Variants in SYT9 observed in about 807,000 individuals in gnomAD.
SYT9 encodes the protein synaptotagmin-9.
In SYT9, 22 loss-of-function variants were observed where a neutral mutation model predicts 48.4. The observed-to-expected ratio is 0.45, with a 90% CI of 0.32 to 0.65. The LOEUF (loss-of-function observed/expected upper bound fraction) is 0.65. SYT9 is among the 30% of genes least tolerant of loss of function. SYT9 has a pLI of 0.03. For missense variants in SYT9, 577 were observed against 622.0 expected (o/e 0.93, Z 0.77); for synonymous variants, 265 against 245.0 (o/e 1.08, Z -0.76).
At chr11:7,406,488 A>G (rs1346482839) in intron 3 of SYT9, among the ~76,000 whole-genome samples, 1 of 150,624 alleles carries the variant, frequency 6.6e-6, no homozygotes, top group African/African-American at 2.4e-5. Flanking sequence ...GTTGCTGCAA[A>G]TGACATGATT....
intron 6 of SYT9, chr11:7,454,144 C>G: frequency 1.0e-6 from 1 of 985,436 alleles, no homozygotes; most frequent in Non-Finnish European, 1.2e-6. Context: ...TACCTGATTT[C>G]CAGCCCTTGA....
intron 6 of SYT9, among the ~76,000 whole-genome samples, chr11:7,442,752 C>T (rs1847850584): frequency 6.6e-6 from 1 of 152,120 alleles, no homozygotes; most frequent in Non-Finnish European, 1.5e-5. Context: ...TTCCTAGGGC[C>T]TCTGCCATCA....
intron 3 of SYT9, among the ~76,000 whole-genome samples, chr11:7,364,336 G>A (rs1333853106): frequency 6.6e-6 from 1 of 152,188 alleles, no homozygotes; most frequent in Non-Finnish European, 1.5e-5. Context: ...ATTTTCTGAT[G>A]ATGAATAAAG....
In SYT9 at chr11:7,329,178, AT is replaced by A; in HGVS notation, c.1044+15241del. ...TTTCCTCCTGGAAATCTCTTTAGAT[AT>A]TTTAGACCTATTCACTCTATCTTCC... is the stretch of plus-strand genomic sequence containing the variant. On this transcript the variant is annotated intron_variant, in intron 3 of 6. Coordinates refer to ENST00000318881, the MANE Select transcript of SYT9 (RefSeq NM_175733.4). Among the ~76,000 whole-genome samples the A allele has an allele frequency of 2.6e-5, 4 of 152,266 alleles. No homozygotes were observed. In the South Asian group the frequency reaches 8.3e-4, roughly 32 times the overall value.
At chr11:7,338,891 A>C (rs551942293) in intron 3 of SYT9, among the ~76,000 whole-genome samples, 1 of 152,278 alleles carries the variant, frequency 6.6e-6, no homozygotes, top group Admixed American at 6.5e-5. Context: ...GGTTCTGAAT[A>C]TCTTTGTTAA....
intron 1 of SYT9, among the ~76,000 whole-genome samples, chr11:7,302,450 G>A (rs974452487): frequency 3.9e-5 from 6 of 152,244 alleles, no homozygotes; most frequent in Admixed American, 1.3e-4. Context: ...TCTATCCTGC[G>A]TCCTGAGGAC....
chr11:7,346,100 G>C (rs1227519641), intron 3 of SYT9, among the ~76,000 whole-genome samples: 2 of 152,148 alleles, frequency 1.3e-5, no homozygotes, highest in Non-Finnish European at 2.9e-5. Context: ...GCTTTAGTAA[G>C]GGAACTTTCC....
At chr11:7,395,463 T>C (rs772806961) in intron 3 of SYT9, among the ~76,000 whole-genome samples, 25 of 152,156 alleles carry the variant, frequency 1.6e-4, no homozygotes, top group Non-Finnish European at 3.4e-4. Flanking sequence ...AGTTTCCCAC[T>C]ATTATTGTGT....
intron 1 of SYT9, among the ~76,000 whole-genome samples, chr11:7,297,241 A>G (rs1020963922): frequency 1.3e-5 from 2 of 151,910 alleles, no homozygotes; most frequent in African/African-American, 2.4e-5. Flanking sequence ...CTACCAAAAT[A>G]TGTTTTATTT....
At chr11:7,293,826 C>T (rs1848737032) in intron 1 of SYT9, among the ~76,000 whole-genome samples, 1 of 152,154 alleles carries the variant, frequency 6.6e-6, no homozygotes, top group African/African-American at 2.4e-5. Context: ...CTTGCATGGC[C>T]ATAGAAAGAA....
At chr11:7,451,403 A>G (rs930687367) in intron 6 of SYT9, among the ~76,000 whole-genome samples, 2 of 152,260 alleles carry the variant, frequency 1.3e-5, no homozygotes, top group African/African-American at 4.8e-5. Context: ...AAAGCAGAAC[A>G]TAATTTCCCT....
At chr11:7,427,097 GA>G (rs35168457) in intron 6 of SYT9, among the ~76,000 whole-genome samples, 51,646 of 150,596 alleles carry the variant, frequency 0.34, 11,048 homozygotes, top group African/African-American at 0.6. Context: ...GTGAACAAAT[GA>G]AAAAAAAATG....
intron 3 of SYT9, among the ~76,000 whole-genome samples, chr11:7,393,515 T>G (rs972289002): frequency 6.6e-6 from 1 of 152,124 alleles, no homozygotes; most frequent in Admixed American, 6.6e-5. Context: ...GGTATTTTGT[T>G]GAGGATTTTT....
At chr11:7,355,964 G>A (rs1442505653) in intron 3 of SYT9, among the ~76,000 whole-genome samples, 1 of 152,204 alleles carries the variant, frequency 6.6e-6, no homozygotes, top group African/African-American at 2.4e-5. Context: ...GCACAAAGTT[G>A]GAGCTCATGA....
intron 3 of SYT9, among the ~76,000 whole-genome samples, chr11:7,328,910 T>C (rs935650832): frequency 6.6e-6 from 1 of 152,234 alleles, no homozygotes; most frequent in African/African-American, 2.4e-5. Flanking sequence ...TTTAGAATCT[T>C]GCCTCCAAAC....
At chr11:7,451,732 A>T (rs567438582) in intron 6 of SYT9, among the ~76,000 whole-genome samples, 1 of 152,282 alleles carries the variant, frequency 6.6e-6, no homozygotes, top group South Asian at 2.1e-4. Flanking sequence ...TGAGGATGCA[A>T]ATGTGGGGTT....
Position 7,313,463 on chromosome 11 carries a change from A to G in SYT9, c.566A>G (p.Gln189Arg). 2 of 1,614,110 alleles carry G rather than the reference A, an allele frequency of 1.2e-6. No individual in the cohort carries two copies. Among genetic ancestry groups the G allele is most frequent in the Non-Finnish European group, 1.7e-6 (2 of 1,179,982 alleles). ...TTCAATATCCAGCAGCTTCAAAAAC[A>G]GGAACAGTTGACTGGAATTGGTAGA... ...PDFNIQQLQK[Q>R]EQLTGIGRIK... The change falls in exon 3 of 7, where the codon CAG (glutamine) becomes CGG (arginine). Residue 189 changes from glutamine to arginine, a missense_variant. By Grantham distance (43) the Gln-to-Arg change is conservative (BLOSUM62 1). Transcript: ENST00000318881.
intron 3 of SYT9, among the ~76,000 whole-genome samples, chr11:7,351,029 T>A (rs1849905006): frequency 6.6e-6 from 1 of 152,164 alleles, no homozygotes; most frequent in Non-Finnish European, 1.5e-5. Flanking sequence ...CATGATTTTG[T>A]CTTAAAAAAA....
chr11:7,386,072 A>T (rs934347699), intron 3 of SYT9, among the ~76,000 whole-genome samples: 1 of 152,184 alleles, frequency 6.6e-6, no homozygotes, highest in African/African-American at 2.4e-5. Context: ...GCAGAAAACT[A>T]TTGGACTTTT....
Sources: allele counts gnomAD v4.1 joint callset (sites outside exome capture counted in the v4.1 genomes callset), GRCh38; gene constraint gnomAD v4.1.1; transcripts MANE v1.5; gene names NCBI Gene and HGNC (gene_info 2026-07-23, HGNC 2026-07-21).